Variants in SUGCT observed in about 807,000 individuals in gnomAD.
SUGCT encodes succinyl-CoA:glutarate CoA-transferase.
Under a neutral mutation model 55.0 loss-of-function variants are expected in SUGCT, and 41 were observed. The ratio of observed to expected loss-of-function variants is 0.74; its 90% CI spans 0.58 to 0.97. The LOEUF is 0.97. Ranked by LOEUF, SUGCT falls within the 50% of genes least tolerant of loss-of-function variation. The pLI, the probability that SUGCT is intolerant of heterozygous loss-of-function variation, is 0.00. For synonymous variants in SUGCT, 187 were observed against 200.4 expected, an observed-to-expected ratio of 0.93 and a Z score of 0.56; for missense variants, 568 against 547.8, an observed-to-expected ratio of 1.04 and a Z score of -0.37.
chr7:41,018,963 T>C, the SUGCT span, among the ~76,000 whole-genome samples: 68 of 151,558 alleles, frequency 4.5e-4, 1 homozygote, highest in African/African-American at 1.6e-3. Context: ...TAGAGTTCAA[T>C]GGTGCGATCT....
At chr7:40,188,874 T>A (rs1455897541) in intron 4 of SUGCT, among the ~76,000 whole-genome samples, 4 of 152,206 alleles carry the variant, frequency 2.6e-5, no homozygotes, top group African/African-American at 9.6e-5. Context: ...TATTAGGGAA[T>A]AATTGCCTAA....
At chr7:40,836,034 A>G (rs1414935806) in intron 13 of SUGCT, among the ~76,000 whole-genome samples, 2 of 151,278 alleles carry the variant, frequency 1.3e-5, no homozygotes, top group African/African-American at 4.9e-5. Flanking sequence ...CTGGGACTAC[A>G]GGTTTATGTC....
At chr7:40,687,134 T>C (rs1784502753) in intron 12 of SUGCT, among the ~76,000 whole-genome samples, 1 of 152,166 alleles carries the variant, frequency 6.6e-6, no homozygotes, top group Non-Finnish European at 1.5e-5. Context: ...ATCTGTTGTT[T>C]CTACTCCTCT....
chr7:40,263,821 C>T (rs1300322120), intron 7 of SUGCT, among the ~76,000 whole-genome samples: 1 of 152,080 alleles, frequency 6.6e-6, no homozygotes, highest in African/African-American at 2.4e-5. Flanking sequence ...CAATGAAGAT[C>T]AGAGAGAGTT....
Position 40,344,500 on chromosome 7 carries a change from A to G in SUGCT, c.816+27645A>G, listed in dbSNP as rs571790315. Among the ~76,000 whole-genome samples, 3 of 152,344 alleles carry G rather than the reference A, an allele frequency of 2.0e-5. No individual in the cohort carries two copies. In the South Asian group the frequency reaches 6.2e-4, roughly 32 times the overall value. On this transcript the variant is annotated intron_variant, in intron 9 of 13. Coordinates refer to ENST00000335693, the MANE Select transcript of SUGCT (RefSeq NM_001193313.2). ...AGAATAAAAGTTTTTGACACGTGAA[A>G]TTCAAATTTAAAAGTCCATAAATAA... is the stretch of plus-strand genomic sequence containing the variant.
At chr7:40,846,168 C>A (rs1198398872) in intron 13 of SUGCT, among the ~76,000 whole-genome samples, 1 of 152,148 alleles carries the variant, frequency 6.6e-6, no homozygotes, top group African/African-American at 2.4e-5. Flanking sequence ...TTCAGCTGAA[C>A]CAATTTTGTT....
chr7:40,243,893 C>T (rs750566438), intron 7 of SUGCT, among the ~76,000 whole-genome samples: 16 of 152,200 alleles, frequency 1.1e-4, no homozygotes, highest in Non-Finnish European at 1.6e-4. Context: ...GATGTATAGG[C>T]AGAGTGCGGT....
intron 13 of SUGCT, among the ~76,000 whole-genome samples, chr7:40,804,677 A>G (rs1296132587): frequency 6.6e-6 from 1 of 152,206 alleles, no homozygotes; most frequent in Non-Finnish European, 1.5e-5. Context: ...GTACTCAGAG[A>G]CAAAGTCCTT....
chr7:40,255,464 C>T (rs187628824), intron 7 of SUGCT, among the ~76,000 whole-genome samples: 1,700 of 151,620 alleles, frequency 0.011, 25 homozygotes, highest in Middle Eastern at 0.027. Flanking sequence ...GAGTTCAAGA[C>T]CAGCCTGGCC....
intron 12 of SUGCT, among the ~76,000 whole-genome samples, chr7:40,516,410 A>G (rs1793235053): frequency 6.6e-6 from 1 of 152,180 alleles, no homozygotes; most frequent in African/African-American, 2.4e-5. Context: ...CCAAGAAACT[A>G]TTGCCTAATC....
chr7:40,903,656 C>T, the SUGCT span, among the ~76,000 whole-genome samples: 1 of 152,190 alleles, frequency 6.6e-6, no homozygotes, highest in Admixed American at 6.5e-5. Flanking sequence ...CTAGCAATCC[C>T]TGCAGAAAGA....
intron 9 of SUGCT, among the ~76,000 whole-genome samples, chr7:40,357,362 G>A (rs1797927097): frequency 6.6e-6 from 1 of 152,136 alleles, no homozygotes; most frequent in African/African-American, 2.4e-5. Context: ...CCAACATCTA[G>A]CATGATGAAG....
At chr7:40,609,671 C>T (rs1236692331) in intron 12 of SUGCT, among the ~76,000 whole-genome samples, 1 of 151,768 alleles carries the variant, frequency 6.6e-6, no homozygotes, top group East Asian at 1.9e-4. Context: ...AAAAAAATAA[C>T]AGCAAAACAA....
the SUGCT span, among the ~76,000 whole-genome samples, chr7:40,960,374 A>G: frequency 7.2e-5 from 11 of 152,204 alleles, no homozygotes; most frequent in Non-Finnish European, 1.0e-4. Flanking sequence ...TTGTGTCCCC[A>G]CAGGTTTATT....
intron 13 of SUGCT, among the ~76,000 whole-genome samples, chr7:40,854,066 T>A (rs1051896018): frequency 6.6e-6 from 1 of 152,252 alleles, no homozygotes; most frequent in African/African-American, 2.4e-5. Context: ...CAAATGAATT[T>A]TCTTTGCAGA....
chr7:40,910,579 A>G, the SUGCT span, among the ~76,000 whole-genome samples: 5 of 152,308 alleles, frequency 3.3e-5, no homozygotes, highest in East Asian at 3.9e-4. Flanking sequence ...ATGCCTGCCT[A>G]TGTGTCTAGT....
the SUGCT span, among the ~76,000 whole-genome samples, chr7:40,918,409 C>A: frequency 1.3e-4 from 18 of 135,998 alleles, no homozygotes; most frequent in African/African-American, 4.8e-4. Flanking sequence ...TGCAGTGAGC[C>A]AAGATTGTGC....
At chr7:40,926,228 T>C in the SUGCT span, among the ~76,000 whole-genome samples, 2 of 152,132 alleles carry the variant, frequency 1.3e-5, no homozygotes, top group Admixed American at 1.3e-4. Flanking sequence ...AATATTTCAA[T>C]AGTAGTAATC....
Position 40,576,102 on chromosome 7 carries a change from A to G in SUGCT, c.1089+79716A>G, listed in dbSNP as rs114828171. The stretch of plus-strand genomic sequence containing the variant: ...ATCTATCAGTTAGTACTGAAAAGTA[A>G]AAGGCAGGCCCTTTCATTTACATAA... On this transcript the variant is annotated intron_variant, in intron 12 of 13. Coordinates refer to ENST00000335693, the MANE Select transcript of SUGCT (RefSeq NM_001193313.2). Among the ~76,000 whole-genome samples the G allele has an allele frequency of 2.8e-3, 430 of 152,354 alleles. 1 individual carries two copies. Among genetic ancestry groups the G allele is most frequent in the Middle Eastern group, 0.01 (3 of 294 alleles).
Sources: allele counts gnomAD v4.1 joint callset (sites outside exome capture counted in the v4.1 genomes callset), GRCh38; gene constraint gnomAD v4.1.1; transcripts MANE v1.5; gene names NCBI Gene and HGNC (gene_info 2026-07-23, HGNC 2026-07-21).